KHDRBS2: variants seen among roughly 807,000 people sequenced by gnomAD.
KHDRBS2 encodes the protein KH domain-containing, RNA-binding, signal transduction-associated protein 2.
Under a neutral mutation model 44.3 loss-of-function variants are expected in KHDRBS2, and 26 were observed. The observed-to-expected ratio is 0.59, with a 90% CI of 0.43 to 0.81. The LOEUF (loss-of-function observed/expected upper bound fraction) is 0.81. Ranked by LOEUF, KHDRBS2 falls within the 40% of genes least tolerant of loss-of-function variation. The pLI is 0.00. For missense variants in KHDRBS2, 476 were observed against 433.1 expected, an observed-to-expected ratio of 1.10 and a Z score of -0.88; for synonymous variants, 194 against 151.1, an observed-to-expected ratio of 1.28 and a Z score of -2.08.
chr6:61,919,990 C>A (rs969693771), intron 4 of KHDRBS2, among the ~76,000 whole-genome samples: 1 of 151,730 alleles, frequency 6.6e-6, no homozygotes, highest in African/African-American at 2.4e-5. Context: ...CGAGTTGGAA[C>A]CAAAATCAAT....
chr6:61,700,584 ACACCCTTTCAGCTAGATGTGC>A lies in KHDRBS2; in HGVS notation c.894-3352_894-3332del, dbSNP rs1389068519. Among the ~76,000 whole-genome samples the A allele has an allele frequency of 3.6e-4, 54 of 151,692 alleles. 1 individual carries two copies. In the East Asian group the frequency reaches 5.3e-3, roughly 15 times the overall value. On this transcript the variant is annotated intron_variant, in intron 7 of 8. Transcript: ENST00000281156. ...ACAAATGGCTGCACTAATAGTGAAT[ACACCCTTTCAGCTAGATGTGC>A]CACCCTTTCAGCTAGATGTGCCCTC...
intron 6 of KHDRBS2, among the ~76,000 whole-genome samples, chr6:61,785,360 T>C (rs1276504811): frequency 6.6e-6 from 1 of 152,132 alleles, no homozygotes; most frequent in Non-Finnish European, 1.5e-5. Context: ...AATATTCCTA[T>C]TTTTTGTAAG....
At chr6:61,842,978 C>T (rs1466523410) in intron 6 of KHDRBS2, among the ~76,000 whole-genome samples, 2 of 133,458 alleles carry the variant, frequency 1.5e-5, no homozygotes, top group African/African-American at 2.5e-5. Context: ...ACAGATATAC[C>T]ACATTTTATA....
At chr6:62,203,807 CTT>C (rs1827464197) in intron 1 of KHDRBS2, among the ~76,000 whole-genome samples, 3 of 152,136 alleles carry the variant, frequency 2.0e-5, no homozygotes, top group Non-Finnish European at 4.4e-5. Flanking sequence ...AAGTGCTATA[CTT>C]TTGATGTTTG....
chr6:62,133,940 A>G (rs1191669403), intron 2 of KHDRBS2, among the ~76,000 whole-genome samples: 4 of 152,180 alleles, frequency 2.6e-5, no homozygotes, highest in Admixed American at 2.0e-4. Context: ...GGGCGCTGTA[A>G]AAAGCATTCA....
At position 61,955,530 on chromosome 6, in the gene KHDRBS2, ATGTG is replaced by A. The variant is rs1562520559; in HGVS notation, c.483+22532_483+22535del. 2.2e-4 allele frequency among the ~76,000 whole-genome samples: 10 copies of A among 44,790 alleles called. 1 individual carries two copies. The highest frequency in any genetic ancestry group is 9.7e-4 in the African/African-American group (7 of 7,244). The allele number at this position is 44,790 out of a possible 152,430, so 29.4% of individuals were successfully genotyped here. On this transcript the variant is annotated intron_variant, in intron 4 of 8. Coordinates refer to ENST00000281156, the MANE Select transcript of KHDRBS2 (RefSeq NM_152688.4). The stretch of plus-strand genomic sequence containing the variant: ...TATACACATATGTATGTATGTATAC[ATGTG>A]TATATATACACATATGTATGTATAC...
chr6:62,221,091 T>C (rs1830818511), intron 1 of KHDRBS2, among the ~76,000 whole-genome samples: 1 of 151,510 alleles, frequency 6.6e-6, no homozygotes, highest in Non-Finnish European at 1.5e-5. Context: ...AAAGGAACTG[T>C]GATGCATATA....
intron 8 of KHDRBS2, among the ~76,000 whole-genome samples, chr6:61,681,931 AT>A (rs1766351712): frequency 6.6e-6 from 1 of 151,898 alleles, no homozygotes. Context: ...CAACTAGGTT[AT>A]TTTGGTCTCT....
At chr6:62,075,101 A>C (rs1796074737) in intron 2 of KHDRBS2, among the ~76,000 whole-genome samples, 1 of 151,906 alleles carries the variant, frequency 6.6e-6, no homozygotes, top group African/African-American at 2.4e-5. Flanking sequence ...ATGTTTGCTT[A>C]TGTTTTAACT....
intron 6 of KHDRBS2, among the ~76,000 whole-genome samples, chr6:61,889,348 C>A (rs1487429598): frequency 6.6e-6 from 1 of 152,170 alleles, no homozygotes; most frequent in Non-Finnish European, 1.5e-5. Context: ...GTGCCACATC[C>A]TGTCCACCCA....
chr6:61,782,689 G>GTA (rs70993182), intron 6 of KHDRBS2, among the ~76,000 whole-genome samples: 65 of 111,104 alleles, frequency 5.9e-4, no homozygotes, highest in Non-Finnish European at 9.3e-4. Flanking sequence ...TAAAGGTTGT[G>GTA]TATATATATA....
intron 6 of KHDRBS2, among the ~76,000 whole-genome samples, chr6:61,833,115 C>A (rs1792100628): frequency 6.6e-6 from 1 of 151,978 alleles, no homozygotes; most frequent in Non-Finnish European, 1.5e-5. Flanking sequence ...TTTCATATTC[C>A]AATGGATTTA....
At chr6:62,185,153 A>G (rs1430672603) in intron 1 of KHDRBS2, among the ~76,000 whole-genome samples, 9 of 151,856 alleles carry the variant, frequency 5.9e-5, no homozygotes, top group African/African-American at 1.7e-4. Context: ...CATTGTTTTG[A>G]TATTATTACA....
chr6:61,711,486 G>A (rs1288965742), intron 7 of KHDRBS2, among the ~76,000 whole-genome samples: 1 of 151,776 alleles, frequency 6.6e-6, no homozygotes, highest in African/African-American at 2.4e-5. Context: ...AATCAATTGT[G>A]AAAACTCAAG....
At chr6:61,806,450 A>G (rs1313680012) in intron 6 of KHDRBS2, among the ~76,000 whole-genome samples, 1 of 152,176 alleles carries the variant, frequency 6.6e-6, no homozygotes. Flanking sequence ...AGCACCAGTC[A>G]CAATTTGACT....
chr6:62,002,847 CAT>C (rs1438432777), intron 3 of KHDRBS2, among the ~76,000 whole-genome samples: 5 of 151,620 alleles, frequency 3.3e-5, no homozygotes, highest in African/African-American at 1.2e-4. Flanking sequence ...TTATATCCTA[CAT>C]GTTAAGTTAA....
the KHDRBS2 span, among the ~76,000 whole-genome samples, chr6:61,623,180 T>A: frequency 6.6e-6 from 1 of 152,078 alleles, no homozygotes; most frequent in Admixed American, 6.6e-5. Flanking sequence ...AAAGTCATGA[T>A]CCCTTGCTCA....
chr6:61,732,971 C>A (rs1562054384), intron 6 of KHDRBS2, among the ~76,000 whole-genome samples: 1 of 152,082 alleles, frequency 6.6e-6, no homozygotes. Flanking sequence ...TTAAACTCAG[C>A]ATATCATTGA....
chr6:61,606,312 C>T, the KHDRBS2 span, among the ~76,000 whole-genome samples: 1 of 152,148 alleles, frequency 6.6e-6, no homozygotes, highest in Non-Finnish European at 1.5e-5. Flanking sequence ...TTGTCAGGTC[C>T]AGTGTTCCTT....
Sources: gnomAD v4.1 joint callset for allele counts (sites outside exome capture counted in the v4.1 genomes callset) on GRCh38, gnomAD v4.1.1 for gene constraint, MANE v1.5 for transcripts, NCBI Gene and HGNC (gene_info 2026-07-23, HGNC 2026-07-21) for gene names.